The following RCAN1 variants were observed in gnomAD, a reference collection of about 807,000 sequenced individuals.
RCAN1 encodes the protein regulator of calcineurin 1, also known as calcipressin-1.
In RCAN1, 11 loss-of-function variants were observed where a neutral mutation model predicts 22.9. The observed-to-expected ratio is 0.48, with a 90% CI of 0.30 to 0.79. RCAN1 has a LOEUF of 0.79. Ranked by LOEUF, RCAN1 falls within the 30% of genes least tolerant of loss-of-function variation. The pLI, the probability that RCAN1 is intolerant of heterozygous loss-of-function variation, is 0.06. For synonymous variants in RCAN1, 136 were observed against 142.3 expected (o/e 0.96, Z 0.32); for missense variants, 291 against 337.8 (o/e 0.86, Z 1.09).
intron 1 of RCAN1, among the ~76,000 whole-genome samples, chr21:34,608,716 T>A (rs560348512): frequency 6.6e-6 from 1 of 152,364 alleles, no homozygotes; most frequent in Non-Finnish European, 1.5e-5. Context: ...GTTGGGTTTG[T>A]TACATGGCAG....
chr21:34,562,486 A>G (rs1294726904), intron 1 of RCAN1, among the ~76,000 whole-genome samples: 1 of 152,228 alleles, frequency 6.6e-6, no homozygotes, highest in Non-Finnish European at 1.5e-5. Context: ...GGGAGAGCAG[A>G]GGCGACATGG....
chr21:34,575,943 G>A (rs1987400349), intron 1 of RCAN1, among the ~76,000 whole-genome samples: 1 of 152,122 alleles, frequency 6.6e-6, no homozygotes. Flanking sequence ...CCCAACTTAG[G>A]TCTGTCTAGC....
intron 1 of RCAN1, among the ~76,000 whole-genome samples, chr21:34,597,441 T>G (rs1988199346): frequency 6.6e-6 from 1 of 151,906 alleles, no homozygotes; most frequent in Admixed American, 6.6e-5. Flanking sequence ...GCATCGAGAG[T>G]GTGCAGATGG....
chr21:34,596,265 G>A (rs796515658), intron 1 of RCAN1, among the ~76,000 whole-genome samples: 70 of 152,312 alleles, frequency 4.6e-4, no homozygotes, highest in African/African-American at 1.3e-3. Flanking sequence ...CAGTATAAGC[G>A]GAGGCCTTCC....
In RCAN1 at chr21:34,614,407, C is replaced by T. The variant is rs115083426; in HGVS notation, c.252+353G>A. ...CCTAGGAATGAGGTGACCCCCTCCT[C>T]CAGCGAGTAAATGCGGGGCGATGGC... On this transcript the variant is annotated intron_variant, in intron 1 of 3. Transcript: ENST00000313806. This position sits in a 1 kb window ranked among gnomAD's most constrained non-coding sequence, Gnocchi z 6.0. 1,968 of 999,504 alleles carry T rather than the reference C, an allele frequency of 2.0e-3. 26 individuals carry two copies. The African/African-American group carries it at 0.03, about 15-fold the overall frequency. 61.9% of individuals were successfully genotyped at this position (999,504 alleles called of 1,614,324 possible).
rs543543325 is a variant in RCAN1, at chr21:34,563,819, A to AGAGAGAGAGAGG, written c.253-40110_253-40109insCCTCTCTCTCTC. ...TAGAGAGAGAGAGAGAGAGAGAGAG[A>AGAGAGAGAGAGG]GGCAGGCATGGTGGCAGGTGCCTAT... On this transcript the variant is annotated intron_variant, in intron 1 of 3. Coordinates refer to ENST00000313806, the MANE Select transcript of RCAN1 (RefSeq NM_004414.7). Among the ~76,000 whole-genome samples, 15 of 138,776 alleles carry AGAGAGAGAGAGG rather than the reference A, an allele frequency of 1.1e-4. No homozygotes were observed. The East Asian group carries it at 1.3e-3, about 12-fold the overall frequency. The allele number at this position is 138,776 out of a possible 152,430, so 91.0% of individuals were successfully genotyped here. A position where few individuals can be genotyped will look rare whatever the true frequency, so the allele number is the denominator to read the frequency against.
At chr21:34,582,979 C>T (rs1987668300) in intron 1 of RCAN1, among the ~76,000 whole-genome samples, 1 of 151,448 alleles carries the variant, frequency 6.6e-6, no homozygotes, top group African/African-American at 2.4e-5. Flanking sequence ...GAGAGAGAGC[C>T]TCTTGCTGGT....
chr21:34,612,163 C>G (rs1404770946), intron 1 of RCAN1, among the ~76,000 whole-genome samples: 1 of 152,178 alleles, frequency 6.6e-6, no homozygotes, highest in Non-Finnish European at 1.5e-5. Flanking sequence ...CCTACCAGGT[C>G]TCCTTGCTTC....
chr21:34,582,239 G>A (rs573109811), intron 1 of RCAN1, among the ~76,000 whole-genome samples: 7 of 152,236 alleles, frequency 4.6e-5, no homozygotes, highest in Admixed American at 3.9e-4. Context: ...CTAAGGTACT[G>A]GGCACCTAGT....
At chr21:34,545,185 G>A (rs538005373) in intron 1 of RCAN1, among the ~76,000 whole-genome samples, 1 of 152,132 alleles carries the variant, frequency 6.6e-6, no homozygotes, top group Non-Finnish European at 1.5e-5. Flanking sequence ...CAGTGCCCCC[G>A]CCCCTTGTTT....
rs540205915 is a variant in RCAN1, at chr21:34,614,049, C to A, written c.252+711G>T. Among the ~76,000 whole-genome samples, 7 of 152,348 alleles carry A rather than the reference C, an allele frequency of 4.6e-5. No individual in the cohort carries two copies. Among genetic ancestry groups the A allele is most frequent in the Admixed American group, 3.3e-4 (5 of 15,306 alleles). ...TGATTACTCATACCTGCCCCTCACC[C>A]TCCAAAGTGTCTAAATTGTGTGGAT... On this transcript the variant is annotated intron_variant, in intron 1 of 3. Coordinates refer to ENST00000313806, the MANE Select transcript of RCAN1 (RefSeq NM_004414.7). This position sits in a 1 kb window ranked among gnomAD's most constrained non-coding sequence, Gnocchi z 6.0.
intron 1 of RCAN1, among the ~76,000 whole-genome samples, chr21:34,545,174 T>C (rs1009524635): frequency 6.6e-6 from 1 of 152,186 alleles, no homozygotes; most frequent in Non-Finnish European, 1.5e-5. Flanking sequence ...GAAAGCAGGC[T>C]CAGTGCCCCC....
intron 1 of RCAN1, among the ~76,000 whole-genome samples, chr21:34,542,515 T>A (rs1016615536): frequency 3.3e-5 from 5 of 149,314 alleles, no homozygotes; most frequent in African/African-American, 1.2e-4. Flanking sequence ...GCCAGCTATA[T>A]AAGTGTGACA....
intron 1 of RCAN1, among the ~76,000 whole-genome samples, chr21:34,566,360 T>G (rs1987008008): frequency 6.6e-6 from 1 of 152,340 alleles, no homozygotes; most frequent in African/African-American, 2.4e-5. Flanking sequence ...TGAGTCCACA[T>G]GGCTGAAAGT....
At chr21:34,523,991 A>C (rs2019020) in intron 1 of RCAN1, 141,177 of 248,584 alleles carry the variant, frequency 0.57, 40,930 homozygotes, top group East Asian at 0.84. Flanking sequence ...CCATGTTGGC[A>C]AGGCTGGTCT....
intron 1 of RCAN1, among the ~76,000 whole-genome samples, chr21:34,602,528 G>T (rs1988388614): frequency 6.6e-6 from 1 of 152,158 alleles, no homozygotes; most frequent in Non-Finnish European, 1.5e-5. Context: ...TCTGAAGGGT[G>T]GTCTGTTTTG....
intron 1 of RCAN1, among the ~76,000 whole-genome samples, chr21:34,580,746 A>T (rs1462028568): frequency 2.0e-5 from 3 of 152,188 alleles, no homozygotes; most frequent in Non-Finnish European, 4.4e-5. Context: ...CACTCTATAG[A>T]TGAAGGAATC....
intron 3 of RCAN1, among the ~76,000 whole-genome samples, chr21:34,519,692 C>T (rs916926442): frequency 6.6e-6 from 1 of 151,982 alleles, no homozygotes; most frequent in South Asian, 2.1e-4. Context: ...CCACCGCGCC[C>T]GGCCTGTGCT....
rs1016750925 is a variant in RCAN1 at position 34,614,314 on chromosome 21, G to A, written c.252+446C>T. 6.1e-6 allele frequency: 6 copies of A among 990,414 alleles called. No homozygotes were observed. In the African/African-American group the frequency reaches 8.7e-5, roughly 14 times the overall value. 61.4% of individuals were successfully genotyped at this position (990,414 alleles called of 1,614,324 possible). A position where few individuals can be genotyped will look rare whatever the true frequency, so the allele number is the denominator to read the frequency against. On this transcript the variant is annotated intron_variant, in intron 1 of 3. Coordinates refer to ENST00000313806, the MANE Select transcript of RCAN1 (RefSeq NM_004414.7). The surrounding 1 kb of genome is among the most constrained non-coding windows in gnomAD (Gnocchi z 6.0). Reference sequence around the variant, plus strand: ...CTTTTCTTCCAATAGTGCAGATTGGGAATGCAGGGACGTCGTCCTATTTAT... The same window carrying A: ...CTTTTCTTCCAATAGTGCAGATTGGAAATGCAGGGACGTCGTCCTATTTAT...
Sources: gnomAD v4.1 joint callset for allele counts (sites outside exome capture counted in the v4.1 genomes callset) on GRCh38, gnomAD v4.1.1 for gene constraint, Gnocchi (gnomAD v3.1) non-coding constraint, MANE v1.5 for transcripts, NCBI Gene and HGNC (gene_info 2026-07-23, HGNC 2026-07-21) for gene names.